MYO3A: variants seen among roughly 807,000 people sequenced by gnomAD.
MYO3A encodes myosin IIIA, also known as myosin-IIIa.
A neutral mutation model predicts 192.7 loss-of-function variants in MYO3A; 180 were observed. The ratio of observed to expected loss-of-function variants is 0.93; its 90% confidence interval spans 0.83 to 1.06. The LOEUF (loss-of-function observed/expected upper bound fraction) is 1.06. Among genes scored for constraint, MYO3A ranks in the 50% least tolerant of loss-of-function variants. The pLI is 0.00. For missense variants in MYO3A, 1,896 were observed against 1,905.0 expected, an observed-to-expected ratio of 1.00 and a Z score of 0.09; for synonymous variants, 628 against 645.3, an observed-to-expected ratio of 0.97 and a Z score of 0.41.
intron 7 of MYO3A, among the ~76,000 whole-genome samples, chr10:26,021,021 C>A (rs1027483547): frequency 1.3e-5 from 2 of 152,192 alleles, no homozygotes; most frequent in Non-Finnish European, 2.9e-5. Flanking sequence ...CCTTAGGTAG[C>A]CTTGCCTTCT....
intron 6 of MYO3A, among the ~76,000 whole-genome samples, chr10:26,015,369 C>A (rs925633530): frequency 6.6e-6 from 1 of 152,084 alleles, no homozygotes; most frequent in African/African-American, 2.4e-5. Context: ...AGATGATTTT[C>A]CTAATCTTCT....
At chr10:26,002,419 T>A (rs61848905) in intron 6 of MYO3A, among the ~76,000 whole-genome samples, 8,210 of 152,118 alleles carry the variant, frequency 0.054, 301 homozygotes, top group Non-Finnish European at 0.073. Context: ...GGGGAAGGGG[T>A]TCTTATCACT....
At chr10:26,099,573 G>C (rs913245906) in intron 17 of MYO3A, among the ~76,000 whole-genome samples, 2 of 152,132 alleles carry the variant, frequency 1.3e-5, no homozygotes, top group African/African-American at 4.8e-5. Context: ...TTATTATTTT[G>C]AGATATGAAC....
At chr10:26,211,280 T>A (rs1844208074) in intron 34 of MYO3A, among the ~76,000 whole-genome samples, 2 of 152,182 alleles carry the variant, frequency 1.3e-5, no homozygotes, top group Non-Finnish European at 2.9e-5. Context: ...TGGCAGGGGT[T>A]CTCAGCAATG....
intron 20 of MYO3A, among the ~76,000 whole-genome samples, chr10:26,141,697 C>T (rs993250590): frequency 1.3e-5 from 2 of 152,186 alleles, no homozygotes; most frequent in African/African-American, 4.8e-5. Flanking sequence ...GGTCTACTCA[C>T]TTCTCCCAAG....
chr10:25,966,310 A>C (rs1838266596), intron 4 of MYO3A, among the ~76,000 whole-genome samples: 1 of 152,182 alleles, frequency 6.6e-6, no homozygotes, highest in Admixed American at 6.5e-5. Context: ...TATAAATAGT[A>C]ATCTGTTACT....
At chr10:26,175,830 G>A (rs1442510052) in intron 30 of MYO3A, among the ~76,000 whole-genome samples, 2 of 152,202 alleles carry the variant, frequency 1.3e-5, no homozygotes, top group East Asian at 1.9e-4. Context: ...GTAATGCCAT[G>A]GAGTAAATTC....
At chr10:26,198,663 A>G (rs1411931603) in intron 32 of MYO3A, among the ~76,000 whole-genome samples, 1 of 152,192 alleles carries the variant, frequency 6.6e-6, no homozygotes, top group Non-Finnish European at 1.5e-5. Context: ...GTCATAAAAC[A>G]TATTTCTTTA....
In MYO3A at chr10:26,157,513, G is replaced by A. The variant is rs1315442183; in HGVS notation, c.2997G>A (p.Lys999=). ...SHRILFANFI[K]RYYLLCYKSS... is the part of the protein sequence containing the mutation. Reference sequence around the variant, plus strand: ...GGATACTTTTTGCTAACTTTATAAAGCGGTATGTGGATTTCTTTTTCAGTT... The same window carrying A: ...GGATACTTTTTGCTAACTTTATAAAACGGTATGTGGATTTCTTTTTCAGTT... Residue 999 remains lysine (K), a splice_region_variant and synonymous_variant, in exon 26 of 35, where the codon AAG becomes AAA. Coordinates refer to ENST00000642920, the MANE Select transcript of MYO3A (RefSeq NM_017433.5). 6.2e-7 allele frequency: 1 copy of A among 1,612,876 alleles called. No homozygotes were observed. Among genetic ancestry groups the A allele is most frequent in the East Asian group, 2.2e-5 (1 of 44,866 alleles).
rs979530145 is a variant in MYO3A at position 25,952,039 on chromosome 10, G to A, written c.-17-55G>A. 9.7e-6 allele frequency: 13 copies of A among 1,346,460 alleles called. No individual in the cohort carries two copies. In the African/African-American group the frequency reaches 1.7e-4, roughly 18 times the overall value. The allele number at this position is 1,346,460 out of a possible 1,614,324, so 83.4% of individuals were successfully genotyped here. On this transcript the variant is annotated intron_variant, in intron 2 of 34. Coordinates refer to ENST00000642920, the MANE Select transcript of MYO3A (RefSeq NM_017433.5). ...TCGCTAATTTCCCATGGGTTTGTGT[G>A]TGCCATTTGATATCCTCAATCAACT...
rs77763464 is a variant in MYO3A at position 26,198,271 on chromosome 10, T to C, written c.4546-2994T>C. 9.1e-3 allele frequency among the ~76,000 whole-genome samples: 1,393 copies of C among 152,310 alleles called. 12 individuals carry two copies. Among genetic ancestry groups the C allele is most frequent in the Middle Eastern group, 0.017 (5 of 294 alleles). ...TCTTACGTCCAGGAAATGCTGCTGC[T>C]GTGTCCAAAATAAGAGTGAGCCAAG... On this transcript the variant is annotated intron_variant, in intron 32 of 34. Coordinates refer to ENST00000642920, the MANE Select transcript of MYO3A (RefSeq NM_017433.5).
chr10:26,197,511 A>G (rs1843469931), intron 32 of MYO3A, among the ~76,000 whole-genome samples: 1 of 152,104 alleles, frequency 6.6e-6, no homozygotes, highest in Non-Finnish European at 1.5e-5. Context: ...TCTCTCTTGT[A>G]TGTCCCTGGC....
chr10:26,149,907 C>A (rs559769884), intron 23 of MYO3A, among the ~76,000 whole-genome samples: 15 of 152,174 alleles, frequency 9.9e-5, no homozygotes, highest in Non-Finnish European at 1.9e-4. Context: ...ACCACCATTC[C>A]ACTCTCTAGC....
intron 17 of MYO3A, among the ~76,000 whole-genome samples, chr10:26,106,589 T>A: frequency 6.6e-6 from 1 of 152,226 alleles, no homozygotes; most frequent in East Asian, 1.9e-4. Flanking sequence ...GTTTCTGATT[T>A]TAAGTGGTTT....
chr10:26,081,134 C>CCCCCCG (rs1564529000), intron 14 of MYO3A, among the ~76,000 whole-genome samples: 1 of 32,832 alleles, frequency 3.0e-5, no homozygotes, highest in Non-Finnish European at 8.2e-5. Context: ...ATATGCCCTT[C>CCCCCCG]CCCCCCCCCC....
chr10:26,096,782 G>A (rs766338356), intron 17 of MYO3A, 100 bp downstream of exon 17: 36 of 821,128 alleles, frequency 4.4e-5, no homozygotes, highest in Non-Finnish European at 7.0e-5. Context: ...CAGCATAAGT[G>A]CTTTACATAA....
At chr10:26,108,847 A>C (rs959912807) in intron 17 of MYO3A, among the ~76,000 whole-genome samples, 1 of 152,150 alleles carries the variant, frequency 6.6e-6, no homozygotes, top group Non-Finnish European at 1.5e-5. Flanking sequence ...ATCTTTACCA[A>C]CTGGGTGAGG....
chr10:26,176,533 T>C (rs932979732), intron 30 of MYO3A, among the ~76,000 whole-genome samples, 168 bp from the exon 31 acceptor site: 11 of 152,132 alleles, frequency 7.2e-5, no homozygotes, highest in African/African-American at 2.7e-4. Flanking sequence ...GGGGGAAGGT[T>C]GTCAGGTGAG....
intron 7 of MYO3A, among the ~76,000 whole-genome samples, chr10:26,017,753 A>C (rs1179818076): frequency 6.6e-6 from 1 of 151,890 alleles, no homozygotes; most frequent in Non-Finnish European, 1.5e-5. Flanking sequence ...AAAATCCACA[A>C]TGGATTAAAA....
Sources: allele counts gnomAD v4.1 joint callset (sites outside exome capture counted in the v4.1 genomes callset), GRCh38; gene constraint gnomAD v4.1.1; transcripts MANE v1.5; gene names NCBI Gene and HGNC (gene_info 2026-07-23, HGNC 2026-07-21).